The following XRRA1 variants were observed in gnomAD, a reference collection of about 807,000 sequenced individuals.
XRRA1 encodes the protein X-ray radiation resistance associated 1.
A neutral mutation model predicts 80.2 loss-of-function variants in XRRA1; 69 were observed. That is an observed-to-expected ratio of 0.86 (90% CI 0.71 to 1.05). XRRA1 has a LOEUF of 1.05. Among genes scored for constraint, XRRA1 ranks in the 50% least tolerant of loss-of-function variants. The pLI is 0.00. For synonymous variants in XRRA1, 348 were observed against 389.9 expected, an observed-to-expected ratio of 0.89 and a Z score of 1.27; for missense variants, 967 against 976.4, an observed-to-expected ratio of 0.99 and a Z score of 0.13.
chr11:74,926,125 C>G (rs1171982443), intron 7 of XRRA1, among the ~76,000 whole-genome samples: 5 of 152,176 alleles, frequency 3.3e-5, no homozygotes, highest in Admixed American at 2.0e-4. Context: ...ACTTTTGTCT[C>G]AAATCATAGA....
chr11:74,942,855 C>T (rs781319988), intron 2 of XRRA1, among the ~76,000 whole-genome samples: 1 of 152,330 alleles, frequency 6.6e-6, no homozygotes, highest in South Asian at 2.1e-4. Flanking sequence ...ATGAGAAAAG[C>T]TTCACTACAT....
At chr11:74,857,640 C>T (rs750341488) in intron 12 of XRRA1, among the ~76,000 whole-genome samples, 3 of 152,142 alleles carry the variant, frequency 2.0e-5, no homozygotes, top group Non-Finnish European at 2.9e-5. Context: ...AACACTTTCC[C>T]CCAAAACTGC....
chr11:74,853,344 C>G (rs1459959176), intron 12 of XRRA1, among the ~76,000 whole-genome samples: 1 of 152,158 alleles, frequency 6.6e-6, no homozygotes, highest in Non-Finnish European at 1.5e-5. Flanking sequence ...CATTTCTCTA[C>G]CTCTAGCACA....
intron 10 of XRRA1, among the ~76,000 whole-genome samples, chr11:74,883,034 T>A (rs1253065074): frequency 6.6e-6 from 1 of 152,242 alleles, no homozygotes; most frequent in Non-Finnish European, 1.5e-5. Context: ...TGTGGTGGGC[T>A]CCACCCAGTT....
intron 10 of XRRA1, among the ~76,000 whole-genome samples, chr11:74,886,593 A>C (rs1234396093): frequency 6.6e-6 from 1 of 152,190 alleles, no homozygotes; most frequent in Non-Finnish European, 1.5e-5. Flanking sequence ...AAAACATTCC[A>C]TGCCCGTGAT....
In XRRA1 at chr11:74,859,162, T is replaced by G; in HGVS notation, c.1166A>C (p.Asn389Thr). 6.3e-7 allele frequency: 1 copy of G among 1,598,382 alleles called. No individual in the cohort carries two copies. The highest frequency in any genetic ancestry group is 8.5e-7 in the Non-Finnish European group (1 of 1,175,502). Residue 389 changes from asparagine to threonine, a missense_variant, in exon 12 of 19, where the codon AAC (asparagine) becomes ACC (threonine). Transcript: ENST00000684022. Reference sequence around the variant, plus strand: ...AGGAGAGGAGCAGAAAGTCACCTTGTTGTAGGCCAGGCTAAGGTATCTCAG... The same window carrying G: ...AGGAGAGGAGCAGAAAGTCACCTTGGTGTAGGCCAGGCTAAGGTATCTCAG... ...PELRYLSLAY[N>T]KIAKEDAVLP...
intron 7 of XRRA1, among the ~76,000 whole-genome samples, chr11:74,924,460 C>A (rs1457148980): frequency 1.4e-5 from 2 of 142,932 alleles, no homozygotes; most frequent in Admixed American, 7.1e-5. Context: ...GGCGACAGAG[C>A]GAAACTCCGT....
chr11:74,912,076 G>A (rs1242987691), intron 8 of XRRA1, among the ~76,000 whole-genome samples: 1 of 152,210 alleles, frequency 6.6e-6, no homozygotes, highest in Non-Finnish European at 1.5e-5. Flanking sequence ...TGGTCCTCTT[G>A]CAAAACTGTA....
chr11:74,869,140 TACTA>T (rs2044183126), intron 10 of XRRA1, among the ~76,000 whole-genome samples: 1 of 152,168 alleles, frequency 6.6e-6, no homozygotes, highest in South Asian at 2.1e-4. Context: ...AATGAAATCA[TACTA>T]ACCACACTCT....
intron 10 of XRRA1, among the ~76,000 whole-genome samples, chr11:74,899,870 A>G (rs1443873484): frequency 6.6e-6 from 1 of 152,178 alleles, no homozygotes; most frequent in Non-Finnish European, 1.5e-5. Flanking sequence ...GGAAAGATAA[A>G]GGAGGAGGGA....
intron 14 of XRRA1, 38 bp from the exon 15 acceptor site, chr11:74,848,500 A>G: frequency 6.5e-7 from 1 of 1,539,332 alleles, no homozygotes; most frequent in Non-Finnish European, 8.8e-7. Flanking sequence ...TTGCTTCCTA[A>G]TTAGGATTCT....
At chr11:74,947,246 C>T (rs1223239498) in intron 1 of XRRA1, among the ~76,000 whole-genome samples, 1 of 151,964 alleles carries the variant, frequency 6.6e-6, no homozygotes, top group African/African-American at 2.4e-5. Context: ...GAGAAGTTGG[C>T]CTGGTGTGGT....
At chr11:74,904,364 C>G (rs1334126693) in intron 10 of XRRA1, among the ~76,000 whole-genome samples, 1 of 151,548 alleles carries the variant, frequency 6.6e-6, no homozygotes, top group Non-Finnish European at 1.5e-5. Context: ...GAGGCTGAGG[C>G]AGGAGGATCA....
chr11:74,853,748 G>A (rs2040435950), intron 12 of XRRA1, among the ~76,000 whole-genome samples: 1 of 152,182 alleles, frequency 6.6e-6, no homozygotes, highest in Non-Finnish European at 1.5e-5. Flanking sequence ...CAGAGAGGAA[G>A]TGTCCTATAC....
At chr11:74,895,236 GAC>G (rs2051964931) in intron 10 of XRRA1, among the ~76,000 whole-genome samples, 1 of 152,216 alleles carries the variant, frequency 6.6e-6, no homozygotes, top group South Asian at 2.1e-4. Flanking sequence ...GTGGTGCAGA[GAC>G]AGAATCTGTG....
At chr11:74,890,971 G>C (rs1447464513) in intron 10 of XRRA1, among the ~76,000 whole-genome samples, 1 of 152,120 alleles carries the variant, frequency 6.6e-6, no homozygotes, top group African/African-American at 2.4e-5. Context: ...TTCTACTAGA[G>C]GTACAAGGAG....
intron 15 of XRRA1, 53 bp from the exon 16 acceptor site, chr11:74,845,324 C>G: frequency 6.5e-7 from 1 of 1,531,088 alleles, no homozygotes; most frequent in South Asian, 1.2e-5. Context: ...TCATTCATTC[C>G]ATGAACATTC....
At chr11:74,843,566 A>G (rs1591456930) in intron 18 of XRRA1, 113 bp from the exon 19 acceptor site, 2 of 1,423,452 alleles carry the variant, frequency 1.4e-6, no homozygotes, top group Non-Finnish European at 1.9e-6. Flanking sequence ...TGGCAGGAGG[A>G]TGCTAAGGGG....
chr11:74,873,641 T>C (rs999910322), intron 10 of XRRA1, among the ~76,000 whole-genome samples: 3 of 152,170 alleles, frequency 2.0e-5, no homozygotes, highest in Non-Finnish European at 4.4e-5. Context: ...GTAGATGACA[T>C]ACTGTTTTGT....
Sources: allele counts gnomAD v4.1 joint callset (sites outside exome capture counted in the v4.1 genomes callset), GRCh38; gene constraint gnomAD v4.1.1; transcripts MANE v1.5; gene names NCBI Gene and HGNC (gene_info 2026-07-23, HGNC 2026-07-21).